Variants in RASGRF2 observed in about 807,000 individuals in gnomAD.
RASGRF2 encodes ras-specific guanine nucleotide-releasing factor 2.
A neutral mutation model predicts 151.0 loss-of-function variants in RASGRF2; 76 were observed. That is an observed-to-expected ratio of 0.50 (90% CI 0.42 to 0.61). RASGRF2 has a LOEUF of 0.61. Ranked by LOEUF, RASGRF2 falls within the 20% of genes least tolerant of loss-of-function variation. The pLI is 0.00. For synonymous variants in RASGRF2, 504 were observed against 566.5 expected, an observed-to-expected ratio of 0.89 and a Z score of 1.57; for missense variants, 1,148 against 1,564.6, an observed-to-expected ratio of 0.73 and a Z score of 4.49.
At chr5:80,972,235 A>G (rs1214620644) in intron 1 of RASGRF2, among the ~76,000 whole-genome samples, 1 of 152,182 alleles carries the variant, frequency 6.6e-6, no homozygotes, top group Non-Finnish European at 1.5e-5. Context: ...GGGCATGCAT[A>G]TATTCAGCTT....
At chr5:81,142,804 C>T (rs905414372) in intron 17 of RASGRF2, among the ~76,000 whole-genome samples, 4 of 152,032 alleles carry the variant, frequency 2.6e-5, no homozygotes, top group Non-Finnish European at 5.9e-5. Flanking sequence ...AATTAAGATG[C>T]AGGGCATCTA....
At chr5:81,152,453 A>G (rs1754160472) in intron 17 of RASGRF2, among the ~76,000 whole-genome samples, 1 of 152,232 alleles carries the variant, frequency 6.6e-6, no homozygotes, top group Non-Finnish European at 1.5e-5. Context: ...AGAAGGATAT[A>G]CAAATTTAAG....
rs1580328173 is a variant in RASGRF2, at chr5:81,113,745, T to G, written c.2295T>G (p.Ser765Arg). The G allele has an allele frequency of 6.2e-7, 1 of 1,613,910 alleles. No homozygotes were observed. The highest frequency in any genetic ancestry group is 2.2e-5 in the East Asian group (1 of 44,866). ...CATTGGACCTGACAACTTCCAGCAGTCCCACCACCACCACCCAGAGTCCCG... is the reference window on the plus strand; with the variant it reads ...CATTGGACCTGACAACTTCCAGCAGGCCCACCACCACCACCCAGAGTCCCG... Reference protein sequence around the residue: ...IGALDLTTSSSPTTTTQSPAA... With the variant: ...IGALDLTTSSRPTTTTQSPAA... Residue 765 changes from serine to arginine, a missense_variant, in exon 15 of 27, where the codon AGT becomes AGG. Ser to Arg is a moderately radical substitution (Grantham distance 110). This residue lies in a region of RASGRF2 where 646 missense variants were observed against 807.4 expected (regional missense o/e 0.80). Transcript: ENST00000265080.
chr5:81,221,965 T>C (rs1315663530), intron 26 of RASGRF2, among the ~76,000 whole-genome samples: 1 of 152,300 alleles, frequency 6.6e-6, no homozygotes, highest in East Asian at 1.9e-4. Context: ...CACTCCAGCC[T>C]GGGCAACAGA....
intron 16 of RASGRF2, among the ~76,000 whole-genome samples, chr5:81,124,370 C>A (rs769490644): frequency 1.5e-5 from 2 of 136,864 alleles, no homozygotes; most frequent in Non-Finnish European, 3.1e-5. Flanking sequence ...TGAGGAGTAA[C>A]GTGAATCAAA....
chr5:81,161,718 C>T (rs1160984386), intron 17 of RASGRF2, among the ~76,000 whole-genome samples: 1 of 152,172 alleles, frequency 6.6e-6, no homozygotes, highest in Non-Finnish European at 1.5e-5. Context: ...AGTGTAGCCT[C>T]TTTCCAGCTT....
chr5:81,151,826 G>A (rs1754142509), intron 17 of RASGRF2, among the ~76,000 whole-genome samples: 1 of 152,150 alleles, frequency 6.6e-6, no homozygotes, highest in Non-Finnish European at 1.5e-5. Context: ...CTATGATCAT[G>A]TATATGTTTC....
chr5:81,078,331 G>T (rs750267031), intron 5 of RASGRF2, among the ~76,000 whole-genome samples: 19 of 152,238 alleles, frequency 1.2e-4, no homozygotes, highest in Middle Eastern at 3.4e-3. Context: ...TCAAATAATA[G>T]AAGTTATTCC....
chr5:81,037,329 T>G lies in RASGRF2; in HGVS notation c.289-5548T>G, dbSNP rs566550133. ...CCTAATACTTGATTGGTAGTTTAGTTGAATATAGAATTCTATGTTGAATAT... is the reference window on the plus strand; with the variant it reads ...CCTAATACTTGATTGGTAGTTTAGTGGAATATAGAATTCTATGTTGAATAT... On this transcript the variant is annotated intron_variant, in intron 1 of 26. Transcript: ENST00000265080. 5.3e-5 allele frequency among the ~76,000 whole-genome samples: 8 copies of G among 152,338 alleles called. No individual in the cohort carries two copies. In the East Asian group the frequency reaches 1.5e-3, roughly 29 times the overall value.
intron 17 of RASGRF2, among the ~76,000 whole-genome samples, chr5:81,139,201 GC>G (rs2112596330): frequency 6.6e-6 from 1 of 152,144 alleles, no homozygotes; most frequent in East Asian, 1.9e-4. Context: ...ATAGTTTGTT[GC>G]TAATATTTAG....
intron 2 of RASGRF2, among the ~76,000 whole-genome samples, chr5:81,048,143 A>C (rs1167919873): frequency 6.6e-6 from 1 of 152,256 alleles, no homozygotes; most frequent in African/African-American, 2.4e-5. Flanking sequence ...TCACAGCAAC[A>C]TCACAAGACT....
chr5:81,068,230 T>G, intron 3 of RASGRF2, 51 bp downstream of exon 3: 1 of 1,571,770 alleles, frequency 6.4e-7, no homozygotes, highest in Non-Finnish European at 8.6e-7. Context: ...TTACCGTCAT[T>G]TCCTCATGAT....
rs544909797 is a variant in RASGRF2, at chr5:81,202,025, A to G, written c.2906+583A>G. The stretch of plus-strand genomic sequence containing the variant: ...CACACTTCTATGTGATAAAGGCTTC[A>G]ACTTTGGGTGTACTGCTAGAGATTG... On this transcript the variant is annotated intron_variant, in intron 19 of 26. Coordinates refer to ENST00000265080, the MANE Select transcript of RASGRF2 (RefSeq NM_006909.3). Among the ~76,000 whole-genome samples, 5 of 152,318 alleles carry G rather than the reference A, an allele frequency of 3.3e-5. No individual in the cohort carries two copies. The South Asian group carries it at 6.2e-4, about 19-fold the overall frequency.
intron 9 of RASGRF2, among the ~76,000 whole-genome samples, chr5:81,089,777 G>T (rs1393505242): frequency 6.6e-6 from 1 of 152,090 alleles, no homozygotes; most frequent in Non-Finnish European, 1.5e-5. Flanking sequence ...CCTTAAATTG[G>T]AGTTAATAGT....
chr5:80,977,967 G>A (rs2112232142), intron 1 of RASGRF2, among the ~76,000 whole-genome samples: 1 of 152,180 alleles, frequency 6.6e-6, no homozygotes, highest in Middle Eastern at 3.4e-3. Flanking sequence ...TTTAGTGGAT[G>A]GTAAATTCCT....
chr5:81,040,930 G>A (rs1347803865), intron 1 of RASGRF2, among the ~76,000 whole-genome samples: 1 of 152,156 alleles, frequency 6.6e-6, no homozygotes. Flanking sequence ...TGGATCTAGT[G>A]GCTTGTTTTA....
intron 10 of RASGRF2, among the ~76,000 whole-genome samples, chr5:81,093,542 G>T (rs1752452363): frequency 1.3e-5 from 2 of 152,162 alleles, no homozygotes; most frequent in Admixed American, 6.5e-5. Flanking sequence ...TTCCCAAGCT[G>T]CTGGGACTAC....
At chr5:81,149,797 A>G (rs575143451) in intron 17 of RASGRF2, among the ~76,000 whole-genome samples, 4 of 152,280 alleles carry the variant, frequency 2.6e-5, no homozygotes, top group South Asian at 4.1e-4. Flanking sequence ...CATTTAAAGT[A>G]TCTAATTCAG....
intron 1 of RASGRF2, among the ~76,000 whole-genome samples, chr5:81,031,240 A>G (rs574356322): frequency 6.6e-6 from 1 of 152,300 alleles, no homozygotes; most frequent in South Asian, 2.1e-4. Context: ...AAACAGATCA[A>G]CGAGACAGAA....
Sources: allele counts gnomAD v4.1 joint callset (sites outside exome capture counted in the v4.1 genomes callset), GRCh38; gene constraint gnomAD v4.1.1; regional missense constraint gnomAD v4.1.1; transcripts MANE v1.5; gene names NCBI Gene and HGNC (gene_info 2026-07-23, HGNC 2026-07-21).